The following ACBD6 variants were observed in gnomAD, a reference collection of about 807,000 sequenced individuals.
ACBD6 encodes acyl-CoA-binding domain-containing protein 6.
ACBD6 carries 28 observed loss-of-function variants against 37.2 expected under a neutral mutation model. The observed-to-expected ratio is 0.75, with a 90% CI of 0.56 to 1.03. ACBD6 has a LOEUF of 1.03. Among genes scored for constraint, ACBD6 ranks in the 50% least tolerant of loss-of-function variants. The probability of loss-of-function intolerance (pLI) is 0.00; values close to 1 mark genes in which losing one functional copy is unlikely to be tolerated. For missense variants in ACBD6, 340 were observed against 337.4 expected (o/e 1.01, Z -0.06); for synonymous variants, 113 against 126.8 (o/e 0.89, Z 0.73).
intron 3 of ACBD6, among the ~76,000 whole-genome samples, chr1:180,459,263 ACT>A (rs751223052): frequency 2.6e-5 from 4 of 152,154 alleles, no homozygotes; most frequent in African/African-American, 4.8e-5. Context: ...CAGTAATTTA[ACT>A]CTTTTTGCAC....
At chr1:180,270,267 A>G (rs1046456534) in exon 14 of ACBD6, 1 of 152,226 alleles carries the variant, frequency 6.6e-6, no homozygotes, top group African/African-American at 2.4e-5. Context: ...TATTGTTTCT[A>G]AGAGAGGGTT....
chr1:180,502,548 C>A lies in ACBD6; in HGVS notation c.-282G>T. 4.2e-6 allele frequency: 2 copies of A among 480,468 alleles called. No individual in the cohort carries two copies. Among genetic ancestry groups the A allele is most frequent in the Admixed American group, 3.3e-5 (1 of 29,958 alleles). 29.8% of individuals were successfully genotyped at this position (480,468 alleles called of 1,614,324 possible). A position where few individuals can be genotyped will look rare whatever the true frequency, so the allele number is the denominator to read the frequency against. On this transcript the variant is annotated 5_prime_UTR_variant, in exon 1 of 8. Coordinates refer to ENST00000367595, the MANE Select transcript of ACBD6 (RefSeq NM_032360.4). Reference sequence around the variant, plus strand: ...AGCGCGCTCAGGCTCGCCTCAGGCCCCTCCAACGGAACAGGAGTCGAGGGG... The same window carrying A: ...AGCGCGCTCAGGCTCGCCTCAGGCCACTCCAACGGAACAGGAGTCGAGGGG...
At chr1:180,396,205 T>C (rs769662887) in intron 6 of ACBD6, among the ~76,000 whole-genome samples, 6 of 152,094 alleles carry the variant, frequency 3.9e-5, no homozygotes, top group Non-Finnish European at 5.9e-5. Context: ...GATGAAAAAG[T>C]TCTGGAGATG....
At chr1:180,399,286 T>A (rs1259434406) in intron 5 of ACBD6, among the ~76,000 whole-genome samples, 1 of 152,172 alleles carries the variant, frequency 6.6e-6, no homozygotes, top group African/African-American at 2.4e-5. Flanking sequence ...TTATTTATTT[T>A]GAGACGGAGT....
intron 3 of ACBD6, among the ~76,000 whole-genome samples, chr1:180,487,994 A>AT (rs138609871): frequency 0.02 from 3,038 of 152,310 alleles, 97 homozygotes; most frequent in African/African-American, 0.068. Flanking sequence ...GGACCACTGC[A>AT]TAAGAAAAGG....
intron 5 of ACBD6, among the ~76,000 whole-genome samples, chr1:180,409,869 T>C (rs1647786247): frequency 6.6e-6 from 1 of 152,156 alleles, no homozygotes; most frequent in Non-Finnish European, 1.5e-5. Flanking sequence ...ATGCCAGAAA[T>C]GATTAAGCTT....
rs182824632 is a variant in ACBD6 at position 180,306,407 on chromosome 1, C to T, written c.694+8285G>A. Among the ~76,000 whole-genome samples, 8 of 152,248 alleles carry T rather than the reference C, an allele frequency of 5.3e-5. No homozygotes were observed. In the East Asian group the frequency reaches 1.2e-3, roughly 22 times the overall value. Reference sequence around the variant, plus strand: ...CATGTAACTAGCACATATCAACAATCAGGTCATTATTAGACTCTCAGAAGC... The same window carrying T: ...CATGTAACTAGCACATATCAACAATTAGGTCATTATTAGACTCTCAGAAGC... On this transcript the variant is annotated intron_variant, in intron 7 of 7. Coordinates refer to ENST00000367595, the MANE Select transcript of ACBD6 (RefSeq NM_032360.4).
chr1:180,377,700 C>A (rs1308599181), intron 6 of ACBD6, among the ~76,000 whole-genome samples: 3 of 152,168 alleles, frequency 2.0e-5, no homozygotes, highest in Non-Finnish European at 4.4e-5. Flanking sequence ...GTTATCCCAG[C>A]ACTCTGGGAG....
chr1:180,288,395 C>T lies in ACBD6; in HGVS notation c.817G>A (p.Val273Met), dbSNP rs555063609. Residue 273 changes from valine to methionine, a missense_variant, in exon 8 of 8, where the codon GTG becomes ATG. Val to Met is a conservative substitution (Grantham distance 21). Transcript: ENST00000367595. ...TTGCCAGTTGTGTGCCGCTGCAGCA[C>T]CAAAGAAACTGTTTTGCAGCCTGTC... ...EVTGCKTVSL[V>M]LQRHTTGKA 16 of 1,613,800 alleles carry T rather than the reference C, an allele frequency of 9.9e-6. No homozygotes were observed. In the South Asian group the frequency reaches 1.5e-4, roughly 16 times the overall value.
chr1:180,427,090 C>T lies in ACBD6; in HGVS notation c.467+3090G>A, dbSNP rs61647778. On this transcript the variant is annotated intron_variant, in intron 4 of 7. Coordinates refer to ENST00000367595, the MANE Select transcript of ACBD6 (RefSeq NM_032360.4). ...GACAGAGTAGAAAGCAGGAAGCAAG[C>T]TCAGAATTGGCCCCACTGGCCCTTG... Among the ~76,000 whole-genome samples the T allele has an allele frequency of 6.7e-3, 1,016 of 152,306 alleles. 17 individuals carry two copies. The highest frequency in any genetic ancestry group is 0.023 in the African/African-American group (970 of 41,560).
chr1:180,312,700 A>G (rs1395424530), intron 7 of ACBD6, among the ~76,000 whole-genome samples: 3 of 152,226 alleles, frequency 2.0e-5, no homozygotes, highest in Non-Finnish European at 4.4e-5. Flanking sequence ...AAATCAGGCC[A>G]TGGAAGTCTC....
chr1:180,442,319 G>A (rs1227741146), intron 3 of ACBD6, among the ~76,000 whole-genome samples: 1 of 151,788 alleles, frequency 6.6e-6, no homozygotes, highest in Non-Finnish European at 1.5e-5. Flanking sequence ...TCCATCCACA[G>A]ATATTTGGCA....
chr1:180,444,286 CAAAA>C (rs71719682), intron 3 of ACBD6, among the ~76,000 whole-genome samples: 1 of 114,772 alleles, frequency 8.7e-6, no homozygotes, highest in Non-Finnish European at 1.9e-5. Context: ...TCCGTCTCTC[CAAAA>C]AAAAAAAAAA....
chr1:180,462,097 G>A (rs368574398), intron 3 of ACBD6, among the ~76,000 whole-genome samples: 48 of 152,166 alleles, frequency 3.2e-4, no homozygotes, highest in East Asian at 3.9e-4. Flanking sequence ...TTAGCTGGGC[G>A]TGGTGGCACA....
chr1:180,295,515 ATT>A (rs35187691), intron 7 of ACBD6, among the ~76,000 whole-genome samples: 7 of 150,360 alleles, frequency 4.7e-5, no homozygotes, highest in Non-Finnish European at 1.0e-4. Flanking sequence ...CAGATAATGC[ATT>A]TTTTTTTTCA....
At chr1:180,467,420 T>C (rs1449286350) in intron 3 of ACBD6, among the ~76,000 whole-genome samples, 1 of 109,398 alleles carries the variant, frequency 9.1e-6, no homozygotes, top group Non-Finnish European at 1.7e-5. Context: ...AAGGCCAAAC[T>C]GGGCAATATA....
In ACBD6 at chr1:180,384,851, A is replaced by G. The variant is rs1164589267; in HGVS notation, c.663+12665T>C. ...AGAATGAAATCATGACATTTGCAGC[A>G]ATGTGGATAGAACTGGAGGCCCTTA... On this transcript the variant is annotated intron_variant, in intron 6 of 7. Coordinates refer to ENST00000367595, the MANE Select transcript of ACBD6 (RefSeq NM_032360.4). Among the ~76,000 whole-genome samples the G allele has an allele frequency of 2.0e-5, 3 of 152,188 alleles. No homozygotes were observed. The East Asian group carries it at 5.8e-4, about 29-fold the overall frequency.
intron 5 of ACBD6, among the ~76,000 whole-genome samples, chr1:180,410,058 C>T (rs1647794095): frequency 6.6e-6 from 1 of 152,236 alleles, no homozygotes; most frequent in African/African-American, 2.4e-5. Context: ...AGTGAGTGGT[C>T]TGGATTCAAC....
rs568166090 is a variant in ACBD6 at position 180,496,747 on chromosome 1, A to G, written c.223-1222T>C. Among the ~76,000 whole-genome samples, 9 of 152,350 alleles carry G rather than the reference A, an allele frequency of 5.9e-5. 1 individual carries two copies. In the East Asian group the frequency reaches 9.6e-4, roughly 16 times the overall value. On this transcript the variant is annotated intron_variant, in intron 1 of 7. Transcript: ENST00000367595. ...TATGCTGTTATTAAAATGTATACTT[A>G]CATAGAAGCAGCCCTGTTATGATGG...
Sources: gnomAD v4.1 joint callset for allele counts (sites outside exome capture counted in the v4.1 genomes callset) on GRCh38, gnomAD v4.1.1 for gene constraint, MANE v1.5 for transcripts, NCBI Gene and HGNC (gene_info 2026-07-23, HGNC 2026-07-21) for gene names.